G3BP2: variants seen among roughly 807,000 people sequenced by gnomAD.
The protein encoded by G3BP2 is ras GTPase-activating protein-binding protein 2.
A neutral mutation model predicts 56.7 loss-of-function variants in G3BP2; 11 were observed. That is an observed-to-expected ratio of 0.19 (90% CI 0.12 to 0.32). The LOEUF (loss-of-function observed/expected upper bound fraction) is 0.32. Ranked by LOEUF, G3BP2 falls within the 10% of genes least tolerant of loss-of-function variation. G3BP2 has a pLI of 1.00. For synonymous variants in G3BP2, 165 were observed against 191.6 expected (o/e 0.86, Z 1.15); for missense variants, 340 against 610.9 (o/e 0.56, Z 4.67).
rs1056023002 is a variant in G3BP2, at chr4:75,667,564, C to T, written c.-24-5515G>A. 2.6e-5 allele frequency among the ~76,000 whole-genome samples: 4 copies of T among 152,284 alleles called. No homozygotes were observed. The South Asian group carries it at 8.3e-4, about 32-fold the overall frequency. On this transcript the variant is annotated intron_variant, in intron 1 of 11. Coordinates refer to ENST00000359707, the MANE Select transcript of G3BP2 (RefSeq NM_203505.3). Reference sequence around the variant, plus strand: ...GCTCTATACACAGTCAAAGCTCTCTCATGAACAAATCCGTCTTTTACTTGT... The same window carrying T: ...GCTCTATACACAGTCAAAGCTCTCTTATGAACAAATCCGTCTTTTACTTGT...
rs891957592 is a variant in G3BP2, at chr4:75,643,357, AC to A, written c.*2072del. ...AGAAAATATGCTTGGGGGAAAAAAA[AC>A]ATTGACAATAAAACAACTGCTTCTT... On this transcript the variant is annotated 3_prime_UTR_variant, in exon 12 of 12. Transcript: ENST00000359707. The A allele has an allele frequency of 6.8e-6, 1 of 147,496 alleles. No homozygotes were observed. The highest frequency in any genetic ancestry group is 1.5e-5 in the Non-Finnish European group (1 of 66,744). The allele number at this position is 147,496 out of a possible 1,614,324, so 9.1% of individuals were successfully genotyped here. A position where few individuals can be genotyped will look rare whatever the true frequency, so the allele number is the denominator to read the frequency against.
At chr4:75,676,321 A>G (rs1321507678), upstream of G3BP2, among the ~76,000 whole-genome samples, 2 of 149,568 alleles carry the variant, frequency 1.3e-5, no homozygotes, top group African/African-American at 2.5e-5. Flanking sequence ...ATTTATTGAC[A>G]GCCAATTGCC....
chr4:75,707,180 A>AC (rs1229288389), intron 3 of G3BP2, among the ~76,000 whole-genome samples: 47 of 151,684 alleles, frequency 3.1e-4, no homozygotes, highest in African/African-American at 1.1e-3. Flanking sequence ...GTCTTGAAAA[A>AC]AAAAAAAAAA....
chr4:75,672,125 C>G (rs1010079812), intron 1 of G3BP2, among the ~76,000 whole-genome samples: 9 of 152,158 alleles, frequency 5.9e-5, no homozygotes, highest in African/African-American at 1.9e-4. Flanking sequence ...ACAGGGAGAA[C>G]AGGACTTTAC....
intron 3 of G3BP2, among the ~76,000 whole-genome samples, chr4:75,714,909 C>A (rs902318698): frequency 6.6e-6 from 1 of 152,118 alleles, no homozygotes; most frequent in African/African-American, 2.4e-5. Context: ...CATCCTACAG[C>A]CTCTGTTGTT....
At chr4:75,680,553 A>C (rs530723483) in intron 3 of G3BP2, among the ~76,000 whole-genome samples, 51 of 152,312 alleles carry the variant, frequency 3.3e-4, no homozygotes, top group Middle Eastern at 6.8e-3. Context: ...AACCTTCAAC[A>C]TCAGGGGACC....
intron 3 of G3BP2, among the ~76,000 whole-genome samples, chr4:75,685,974 A>G (rs1343405031): frequency 1.3e-5 from 2 of 152,210 alleles, no homozygotes; most frequent in African/African-American, 4.8e-5. Flanking sequence ...AAGGAAGGGA[A>G]GTGTGTGCAC....
chr4:75,647,192 C>A, intron 9 of G3BP2, 35 bp from the exon 10 acceptor site: 1 of 1,421,222 alleles, frequency 7.0e-7, no homozygotes, highest in Non-Finnish European at 9.6e-7. Flanking sequence ...CTAAAGTTTA[C>A]AATATCATAA....
intron 8 of G3BP2, 107 bp downstream of exon 8, chr4:75,653,876 T>C (rs990542700): frequency 2.9e-5 from 18 of 620,326 alleles, no homozygotes; most frequent in Non-Finnish European, 5.3e-5. Context: ...AAGTTTTTTG[T>C]ATATTTAATC....
chr4:75,693,935 C>G (rs1333665885), intron 3 of G3BP2, among the ~76,000 whole-genome samples: 1 of 151,572 alleles, frequency 6.6e-6, no homozygotes, highest in Non-Finnish European at 1.5e-5. Flanking sequence ...CAGATGGGGT[C>G]TTACTATATT....
upstream of G3BP2, among the ~76,000 whole-genome samples, chr4:75,674,709 TATATATATA>T (rs1413487020): frequency 2.2e-5 from 1 of 46,076 alleles, no homozygotes; most frequent in African/African-American, 7.8e-5. Context: ...TATATATATA[TATATATATA>T]TTTTTTTTTT....
intron 2 of G3BP2, among the ~76,000 whole-genome samples, chr4:75,721,351 C>G (rs1180096423): frequency 6.6e-6 from 1 of 151,842 alleles, no homozygotes; most frequent in East Asian, 1.9e-4. Flanking sequence ...CAGGCTCCAG[C>G]GATCCTCCCA....
chr4:75,710,063 G>A (rs773916407), intron 3 of G3BP2, among the ~76,000 whole-genome samples: 2 of 152,164 alleles, frequency 1.3e-5, no homozygotes, highest in Non-Finnish European at 2.9e-5. Context: ...TAATGTGCTA[G>A]GTACCAAGCT....
At chr4:75,669,858 C>G (rs140763525) in intron 1 of G3BP2, among the ~76,000 whole-genome samples, 2 of 151,992 alleles carry the variant, frequency 1.3e-5, no homozygotes, top group African/African-American at 4.8e-5. Context: ...TTCGGGAGGC[C>G]GAGATGGGTG....
At chr4:75,646,940 T>A (rs1159462674) in intron 10 of G3BP2, 89 bp downstream of exon 10, 6 of 768,664 alleles carry the variant, frequency 7.8e-6, no homozygotes, top group East Asian at 5.5e-5. Context: ...GAGAAACATT[T>A]AAAAAAAATA....
Position 75,659,025 on chromosome 4 carries a change from T to C in G3BP2, c.96-101A>G. On this transcript the variant is annotated intron_variant, in intron 2 of 11. Transcript: ENST00000359707. Reference sequence around the variant, plus strand: ...TAGGTTCCGGATCCCGCTCTGTCACTAATTAGTTGCGTGATCTTGGACAGG... The same window carrying C: ...TAGGTTCCGGATCCCGCTCTGTCACCAATTAGTTGCGTGATCTTGGACAGG... 3 of 875,912 alleles carry C rather than the reference T, an allele frequency of 3.4e-6. 1 individual carries two copies. Among genetic ancestry groups the C allele is most frequent in the South Asian group, 2.7e-5 (2 of 73,442 alleles). The allele number at this position is 875,912 out of a possible 1,614,324, so 54.3% of individuals were successfully genotyped here.
rs1731040396 is a variant in G3BP2 at position 75,643,882 on chromosome 4, T to C, written c.*1548A>G. 6.6e-6 allele frequency: 1 copy of C among 152,646 alleles called. No individual in the cohort carries two copies. The highest frequency in any genetic ancestry group is 1.5e-5 in the Non-Finnish European group (1 of 68,038). 9.5% of individuals were successfully genotyped at this position (152,646 alleles called of 1,614,324 possible). A position where few individuals can be genotyped will look rare whatever the true frequency, so the allele number is the denominator to read the frequency against. On this transcript the variant is annotated 3_prime_UTR_variant, in exon 12 of 12. Coordinates refer to ENST00000359707, the MANE Select transcript of G3BP2 (RefSeq NM_203505.3). ...AATTGGATAAGCTTTGCCATACTTG[T>C]GGTTTACTGGAACTTGCTATAAAGA...
At chr4:75,673,142 G>T in intron 1 of G3BP2, 66 bp downstream of exon 1, 1 of 1,125,264 alleles carries the variant, frequency 8.9e-7, no homozygotes, top group Non-Finnish European at 1.1e-6. Flanking sequence ...CTCGCGCCGC[G>T]GAGCGCGAAT....
At chr4:75,670,188 C>T (rs1733377575) in intron 1 of G3BP2, among the ~76,000 whole-genome samples, 1 of 152,158 alleles carries the variant, frequency 6.6e-6, no homozygotes, top group Admixed American at 6.5e-5. Context: ...TACCCCTTTC[C>T]CCTCTGGAGT....
Sources: allele counts gnomAD v4.1 joint callset (sites outside exome capture counted in the v4.1 genomes callset), GRCh38; gene constraint gnomAD v4.1.1; transcripts MANE v1.5; gene names NCBI Gene and HGNC (gene_info 2026-07-23, HGNC 2026-07-21).